The following BAZ1B variants were observed in gnomAD, a reference collection of about 807,000 sequenced individuals.
BAZ1B encodes the protein bromodomain adjacent to zinc finger domain 1B.
In BAZ1B, 22 loss-of-function variants were observed where a neutral mutation model predicts 153.8. The observed-to-expected ratio is 0.14, with a 90% CI of 0.10 to 0.20. BAZ1B has a LOEUF of 0.20. BAZ1B is among the 10% of genes least tolerant of loss of function. BAZ1B has a pLI of 1.00. For missense variants in BAZ1B, 1,325 were observed against 1,799.3 expected (o/e 0.74, Z 4.77); for synonymous variants, 676 against 633.4 (o/e 1.07, Z -1.01).
chr7:73,518,097 C>G (rs1790884251), intron 1 of BAZ1B, among the ~76,000 whole-genome samples: 1 of 152,100 alleles, frequency 6.6e-6, no homozygotes, highest in Non-Finnish European at 1.5e-5. Context: ...TAACGTATTA[C>G]TTTAAAGAAT....
At position 73,510,991 on chromosome 7, in the gene BAZ1B, G is replaced by A. The variant is rs1366180205; in HGVS notation, c.108-139C>T. ...TGAGAGGATAAAAATGGAATTGGAG[G>A]CCGGGCGCAGTGGTTCACGCCTGTA... is the stretch of plus-strand genomic sequence containing the variant. On this transcript the variant is annotated intron_variant, in intron 1 of 19. Coordinates refer to ENST00000339594, the MANE Select transcript of BAZ1B (RefSeq NM_032408.4). 103 of 699,442 alleles carry A rather than the reference G, an allele frequency of 1.5e-4. No homozygotes were observed. The South Asian group carries it at 1.8e-3, about 12-fold the overall frequency. 43.3% of individuals were successfully genotyped at this position (699,442 alleles called of 1,614,324 possible).
chr7:73,502,392 T>C (rs1790169809), intron 3 of BAZ1B, among the ~76,000 whole-genome samples: 1 of 152,068 alleles, frequency 6.6e-6, no homozygotes, highest in Non-Finnish European at 1.5e-5. Flanking sequence ...GCAAAACATT[T>C]TTATAAATAA....
At chr7:73,490,221 C>G (rs1789581266) in intron 5 of BAZ1B, among the ~76,000 whole-genome samples, 1 of 152,154 alleles carries the variant, frequency 6.6e-6, no homozygotes, top group Non-Finnish European at 1.5e-5. Context: ...ATCACCTCCC[C>G]TGGTGACTAT....
intron 13 of BAZ1B, among the ~76,000 whole-genome samples, chr7:73,453,754 G>A (rs1788095313): frequency 6.6e-6 from 1 of 152,170 alleles, no homozygotes; most frequent in African/African-American, 2.4e-5. Context: ...GGAGGCCAAG[G>A]CAGGTGGATC....
chr7:73,494,998 G>A (rs1390154965), intron 4 of BAZ1B, among the ~76,000 whole-genome samples: 1 of 152,146 alleles, frequency 6.6e-6, no homozygotes, highest in Non-Finnish European at 1.5e-5. Flanking sequence ...CTGCATAAAG[G>A]AGGGGCCAGG....
intron 3 of BAZ1B, among the ~76,000 whole-genome samples, chr7:73,503,379 CTTTT>C (rs782002940): frequency 6.6e-6 from 1 of 151,748 alleles, no homozygotes; most frequent in Non-Finnish European, 1.5e-5. Flanking sequence ...TCCCTTTCCT[CTTTT>C]TTTTGTTTTT....
intron 4 of BAZ1B, among the ~76,000 whole-genome samples, chr7:73,496,714 T>G (rs1383198785): frequency 6.6e-6 from 1 of 152,164 alleles, no homozygotes; most frequent in Non-Finnish European, 1.5e-5. Flanking sequence ...ACATCATAGT[T>G]TCAGGATTTT....
At chr7:73,472,304 G>A (rs893432492) in intron 7 of BAZ1B, among the ~76,000 whole-genome samples, 3 of 151,574 alleles carry the variant, frequency 2.0e-5, no homozygotes, top group Non-Finnish European at 2.9e-5. Flanking sequence ...TGTTGTCCAG[G>A]CTGGAGTGCA....
chr7:73,459,683 C>A lies in BAZ1B; in HGVS notation c.3285G>T (p.Glu1095Asp). 1 of 1,612,312 alleles carries A rather than the reference C, an allele frequency of 6.2e-7. No individual in the cohort carries two copies. Among genetic ancestry groups the A allele is most frequent in the Non-Finnish European group, 8.5e-7 (1 of 1,179,528 alleles). Residue 1095 changes from glutamate (E) to aspartate (D), a missense_variant, in exon 13 of 20, where the codon GAG becomes GAT. This residue lies in a region of BAZ1B where 431 missense variants were observed against 563.5 expected (regional missense o/e 0.76). Coordinates refer to ENST00000339594, the MANE Select transcript of BAZ1B (RefSeq NM_032408.4). ...ISLEKLKDFG[E>D]CVIALQASVI... ...CACTGGCCTGAAGGGCAATCACACA[C>A]TCACCAAAATCCTTCAATTTCTCTA...
At chr7:73,515,379 T>C (rs538526783) in intron 1 of BAZ1B, among the ~76,000 whole-genome samples, 183 of 152,240 alleles carry the variant, frequency 1.2e-3, no homozygotes, top group Admixed American at 4.1e-3. Flanking sequence ...ACCCCGTGAC[T>C]GGTTTCGACC....
At chr7:73,500,719 C>T (rs959905560) in intron 3 of BAZ1B, among the ~76,000 whole-genome samples, 6 of 151,076 alleles carry the variant, frequency 4.0e-5, no homozygotes, top group South Asian at 2.1e-4. Flanking sequence ...GGTGAAACTT[C>T]GTCTCTACTA....
intron 3 of BAZ1B, among the ~76,000 whole-genome samples, chr7:73,504,086 T>G (rs1790237924): frequency 6.6e-6 from 1 of 152,246 alleles, no homozygotes; most frequent in African/African-American, 2.4e-5. Flanking sequence ...GCACTCAACC[T>G]TTCCTTGTTA....
chr7:73,471,955 A>G (rs1554572057), intron 7 of BAZ1B, among the ~76,000 whole-genome samples: 1 of 152,168 alleles, frequency 6.6e-6, no homozygotes, highest in Non-Finnish European at 1.5e-5. Flanking sequence ...ACAAACAAAC[A>G]TAAACCAACT....
In BAZ1B at chr7:73,459,712, A is replaced by T. The variant is rs782448772; in HGVS notation, c.3256T>A (p.Ser1086Thr). Residue 1086 changes from serine to threonine, a missense_variant, in exon 13 of 20, where the codon TCA becomes ACA. Physicochemically the swap from Ser to Thr is moderately conservative, Grantham distance 58. Coordinates refer to ENST00000339594, the MANE Select transcript of BAZ1B (RefSeq NM_032408.4). Reference sequence around the variant, plus strand: ...CCAAAATCCTTCAATTTCTCTAATGAAATGACCTATAGGAAAGGATTTTAA... The same window carrying T: ...CCAAAATCCTTCAATTTCTCTAATGTAATGACCTATAGGAAAGGATTTTAA... ...ETSEFEARVISLEKLKDFGEC... is the reference protein window; with the variant it reads ...ETSEFEARVITLEKLKDFGEC... 4 of 1,604,212 alleles carry T rather than the reference A, an allele frequency of 2.5e-6. No individual in the cohort carries two copies. The South Asian group carries it at 4.5e-5, about 18-fold the overall frequency.
chr7:73,448,916 T>C (rs782761243), intron 15 of BAZ1B, among the ~76,000 whole-genome samples: 5 of 152,054 alleles, frequency 3.3e-5, no homozygotes, highest in Non-Finnish European at 5.9e-5. Flanking sequence ...GGTGTTGCAA[T>C]AGTTGGGTGG....
rs71071937 is a variant in BAZ1B at position 73,456,937 on chromosome 7, C to CAAAAAAAAAA, written c.3432+2589_3432+2598dup. ...GGCCTCGGCGACAGAGACTCTGTCT[C>CAAAAAAAAAA]AAAAAAAAAAAAAAAAAAAAAAAAA... On this transcript the variant is annotated intron_variant, in intron 13 of 19. Coordinates refer to ENST00000339594, the MANE Select transcript of BAZ1B (RefSeq NM_032408.4). Among the ~76,000 whole-genome samples the CAAAAAAAAAA allele has an allele frequency of 1.5e-4, 6 of 39,582 alleles. 1 individual carries two copies. The highest frequency in any genetic ancestry group is 4.7e-4 in the Admixed American group (1 of 2,142). The allele number at this position is 39,582 out of a possible 152,430, so 26.0% of individuals were successfully genotyped here.
At chr7:73,441,802 AT>A in intron 19 of BAZ1B, 109 bp from the exon 20 acceptor site, 1 of 235,684 alleles carries the variant, frequency 4.2e-6, no homozygotes, top group Non-Finnish European at 8.3e-6. Flanking sequence ...TGTTGGCCTG[AT>A]TACCCCGATC....
At position 73,447,286 on chromosome 7, in the gene BAZ1B, ATCTTCTTCCTCCTCCTCC is replaced by A. The variant is rs782297157; in HGVS notation, c.3804_3821del (p.Glu1268_Glu1273del). 2,430 of 1,613,856 alleles carry A rather than the reference ATCTTCTTCCTCCTCCTCC, an allele frequency of 1.5e-3. 3 individuals carry two copies. Among genetic ancestry groups the A allele is most frequent in the Non-Finnish European group, 2.0e-3 (2,305 of 1,179,880 alleles). On this transcript the variant is annotated inframe_deletion, in exon 16 of 20. Transcript: ENST00000339594. ...TACATCGCAAACCAGCCACCTCATA[ATCTTCTTCCTCCTCCTCC>A]TCTTCTTCCTCCTCCTCCTCTTCAT... is the stretch of plus-strand genomic sequence containing the variant.
intron 7 of BAZ1B, among the ~76,000 whole-genome samples, chr7:73,475,654 G>T (rs1224242370): frequency 2.0e-5 from 3 of 152,126 alleles, no homozygotes; most frequent in Non-Finnish European, 2.9e-5. Flanking sequence ...ATGGTGGCTG[G>T]CCGGGCACAG....
Sources: gnomAD v4.1 joint callset for allele counts (sites outside exome capture counted in the v4.1 genomes callset) on GRCh38, gnomAD v4.1.1 for gene constraint, gnomAD v4.1.1 regional missense constraint, MANE v1.5 for transcripts, NCBI Gene and HGNC (gene_info 2026-07-23, HGNC 2026-07-21) for gene names.